SLC10A4: variants seen among roughly 807,000 people sequenced by gnomAD.
SLC10A4 encodes solute carrier family 10 member 4.
In SLC10A4, 17 loss-of-function variants were observed where a neutral mutation model predicts 22.5. The observed-to-expected ratio is 0.76, with a 90% CI of 0.52 to 1.14. The LOEUF is 1.14. SLC10A4 is among the 50% of genes most tolerant of loss of function. SLC10A4 has a pLI of 0.00. For missense variants in SLC10A4, 548 were observed against 584.0 expected, an observed-to-expected ratio of 0.94 and a Z score of 0.64; for synonymous variants, 257 against 258.2, an observed-to-expected ratio of 1.00 and a Z score of 0.04.
Position 48,483,487 on chromosome 4 carries a change from G to A in SLC10A4, c.-75G>A, listed in dbSNP as rs892622597. The A allele has an allele frequency of 2.1e-5, 26 of 1,246,718 alleles. No homozygotes were observed. The African/African-American group carries it at 3.0e-4, about 14-fold the overall frequency. The allele number at this position is 1,246,718 out of a possible 1,614,324, so 77.2% of individuals were successfully genotyped here. ...GAGACCGACGGGCAGAACGACGGGC[G>A]GCGACTGCGGCGACCGCGGGACGGC... On this transcript the variant is annotated 5_prime_UTR_variant, in exon 1 of 3. Coordinates refer to ENST00000273861, the MANE Select transcript of SLC10A4 (RefSeq NM_152679.4). This position sits in a 1 kb window ranked among gnomAD's most constrained non-coding sequence, Gnocchi z 5.4.
At chr4:48,487,906 G>C (rs1718309666) in intron 2 of SLC10A4, among the ~76,000 whole-genome samples, 1 of 137,964 alleles carries the variant, frequency 7.2e-6, no homozygotes, top group Non-Finnish European at 1.5e-5. Flanking sequence ...CCAGGTTCAA[G>C]CAATTCTCTG....
At position 48,483,948 on chromosome 4, in the gene SLC10A4, C is replaced by T. The variant is rs781219189; in HGVS notation, c.387C>T (p.Phe129=). ...GCTGCACGGTGGACGTGAACCACTT[C>T]GGGGCGCACGTCCGTCGGCCCGTGG... is the stretch of plus-strand genomic sequence containing the variant. ...GLGCTVDVNH[F]GAHVRRPVGA... The change falls in exon 1 of 3, where the codon TTC becomes TTT. Residue 129 remains phenylalanine, a synonymous_variant. Coordinates refer to ENST00000273861, the MANE Select transcript of SLC10A4 (RefSeq NM_152679.4). This position sits in a 1 kb window ranked among gnomAD's most constrained non-coding sequence, Gnocchi z 5.4. 1 of 1,544,036 alleles carries T rather than the reference C, an allele frequency of 6.5e-7. No individual in the cohort carries two copies.
At position 48,483,583 on chromosome 4, in the gene SLC10A4, A is replaced by T. The variant is rs775338691; in HGVS notation, c.22A>T (p.Thr8Ser). The change falls in exon 1 of 3, where the codon ACC becomes TCC. Residue 8 changes from threonine to serine, a missense_variant. Thr to Ser is a moderately conservative substitution (Grantham distance 58, BLOSUM62 1). Coordinates refer to ENST00000273861, the MANE Select transcript of SLC10A4 (RefSeq NM_152679.4). The surrounding 1 kb of genome is among the most constrained non-coding windows in gnomAD (Gnocchi z 5.4). The stretch of plus-strand genomic sequence containing the variant: ...CGCCATGGACGGCAACGACAACGTG[A>T]CCCTGCTCTTCGCCCCTCTGCTGCG... MDGNDNV[T>S]LLFAPLLRDN... 11 of 1,507,194 alleles carry T rather than the reference A, an allele frequency of 7.3e-6. No homozygotes were observed. Among genetic ancestry groups the T allele is most frequent in the Non-Finnish European group, 8.8e-7 (1 of 1,132,036 alleles). 93.4% of individuals were successfully genotyped at this position (1,507,194 alleles called of 1,614,324 possible). A position where few individuals can be genotyped will look rare whatever the true frequency, so the allele number is the denominator to read the frequency against.
chr4:48,487,531 C>G (rs1456203041), intron 2 of SLC10A4, among the ~76,000 whole-genome samples: 7 of 152,210 alleles, frequency 4.6e-5, no homozygotes, highest in African/African-American at 1.7e-4. Flanking sequence ...TAAACATCCA[C>G]TTGTCTGCTC....
chr4:48,485,409 A>G (rs1287409421), intron 2 of SLC10A4, among the ~76,000 whole-genome samples: 1 of 152,248 alleles, frequency 6.6e-6, no homozygotes, highest in Non-Finnish European at 1.5e-5. Context: ...AACAGATCAT[A>G]GCAGGGTGGG....
chr4:48,484,847 A>C, intron 1 of SLC10A4, 85 bp from the exon 2 acceptor site: 1 of 1,300,350 alleles, frequency 7.7e-7, no homozygotes, highest in Non-Finnish European at 1.1e-6. Context: ...TCCCCGTTCC[A>C]CCTCTACTCA....
rs770956561 is a variant in SLC10A4, at chr4:48,483,691, C to G, written c.130C>G (p.Pro44Ala). 2 of 1,467,558 alleles carry G rather than the reference C, an allele frequency of 1.4e-6. No individual in the cohort carries two copies. The highest frequency in any genetic ancestry group is 2.6e-5 in the South Asian group (2 of 76,964). The allele number at this position is 1,467,558 out of a possible 1,614,324, so 90.9% of individuals were successfully genotyped here. The change falls in exon 1 of 3, where the codon CCC (proline) becomes GCC (alanine). Residue 44 changes from proline (P) to alanine (A), a missense_variant. Pro to Ala is a conservative substitution (Grantham distance 27). This residue lies in a region of SLC10A4 where 225 missense variants were observed against 206.9 expected (regional missense o/e 1.09). Transcript: ENST00000273861. The surrounding 1 kb of genome is among the most constrained non-coding windows in gnomAD (Gnocchi z 5.4). ...CCTCGCCCCTGCCTCCAGCGCCGGC[C>G]CCGGCCCTGGGCTCAGCCTCGGGCC... Reference protein sequence around the residue: ...LALAPASSAGPGPGLSLGPGP... With the variant: ...LALAPASSAGAGPGLSLGPGP...
Position 48,488,843 on chromosome 4 carries a change from T to C in SLC10A4, c.1218T>C (p.Tyr406=), listed in dbSNP as rs148503958. ...LDEDEDTDIS[Y]KKLKEEEMAD... ...AAGATGAAGATACAGATATTTCTTA[T>C]AAAAAACTAAAAGAAGAGGAAATGG... The change falls in exon 3 of 3, where the codon TAT becomes TAC. Residue 406 remains tyrosine (Y), a synonymous_variant. Coordinates refer to ENST00000273861, the MANE Select transcript of SLC10A4 (RefSeq NM_152679.4). 1.2e-5 allele frequency: 19 copies of C among 1,613,662 alleles called. No individual in the cohort carries two copies. The African/African-American group carries it at 2.0e-4, about 17-fold the overall frequency.
At chr4:48,486,905 T>G (rs577293938) in intron 2 of SLC10A4, among the ~76,000 whole-genome samples, 1 of 152,304 alleles carries the variant, frequency 6.6e-6, no homozygotes, top group East Asian at 1.9e-4. Flanking sequence ...AGATAAATTT[T>G]AAATAATTTT....
At chr4:48,484,778 T>C (rs1182227951) in intron 1 of SLC10A4, among the ~76,000 whole-genome samples, 154 bp from the exon 2 acceptor site, 1 of 152,106 alleles carries the variant, frequency 6.6e-6, no homozygotes, top group Non-Finnish European at 1.5e-5. Context: ...CGTGCTGCTC[T>C]CTTGGCACTC....
rs1019911468 is a variant in SLC10A4, at chr4:48,484,244, G to T, written c.590+93G>T. 4.6e-5 allele frequency: 59 copies of T among 1,285,132 alleles called. No individual in the cohort carries two copies. In the African/African-American group the frequency reaches 7.9e-4, roughly 17 times the overall value. The allele number at this position is 1,285,132 out of a possible 1,614,324, so 79.6% of individuals were successfully genotyped here. ...GACGAAGGACAGAGGCAGTGGAGGGGTTGGAATTAGGCGTGGAGGAAGGAG... is the reference window on the plus strand; with the variant it reads ...GACGAAGGACAGAGGCAGTGGAGGGTTTGGAATTAGGCGTGGAGGAAGGAG... On this transcript the variant is annotated intron_variant, in intron 1 of 2. Transcript: ENST00000273861.
In SLC10A4 at chr4:48,488,628, G is replaced by A; in HGVS notation, c.1003G>A (p.Glu335Lys). ...PPNCKRTVCLETGSQNVQLCT... is the reference protein window; with the variant it reads ...PPNCKRTVCLKTGSQNVQLCT... ...CAACTGCAAGAGGACTGTATGTCTG[G>A]AAACAGGTAGTCAGAATGTGCAGCT... Residue 335 changes from glutamate (E) to lysine (K), a missense_variant, in exon 3 of 3, where the codon GAA becomes AAA. Physicochemically the swap from Glu to Lys is moderately conservative, Grantham distance 56. This residue lies in a region of SLC10A4 where 314 missense variants were observed against 353.2 expected (regional missense o/e 0.89). Transcript: ENST00000273861. The A allele has an allele frequency of 6.2e-7, 1 of 1,614,050 alleles. No homozygotes were observed. The highest frequency in any genetic ancestry group is 8.5e-7 in the Non-Finnish European group (1 of 1,179,992).
At chr4:48,485,891 T>C (rs1219330083) in intron 2 of SLC10A4, among the ~76,000 whole-genome samples, 1 of 152,190 alleles carries the variant, frequency 6.6e-6, no homozygotes, top group East Asian at 1.9e-4. Flanking sequence ...TCTGTAGCAG[T>C]AGAGATTTTA....
chr4:48,485,132 A>C lies in SLC10A4; in HGVS notation c.791A>C (p.Tyr264Ser). The C allele has an allele frequency of 6.2e-7, 1 of 1,614,060 alleles. No homozygotes were observed. ...IRYKYSRVAD[Y>S]IVKVSLWSLL... is the part of the protein sequence containing the mutation. ...TACAAATACAGCCGGGTGGCTGACTACATTGTGAAGGTAAGGCCCCCTCTT... is the reference window on the plus strand; with the variant it reads ...TACAAATACAGCCGGGTGGCTGACTCCATTGTGAAGGTAAGGCCCCCTCTT... The change falls in exon 2 of 3, where the codon TAC becomes TCC. Residue 264 changes from tyrosine to serine, a missense_variant. Tyr to Ser is a moderately radical substitution (Grantham distance 144). This residue lies in a region of SLC10A4 where 314 missense variants were observed against 353.2 expected (regional missense o/e 0.89). Transcript: ENST00000273861.
Position 48,483,790 on chromosome 4 carries a change from G to A in SLC10A4, c.229G>A (p.Ala77Thr). The A allele has an allele frequency of 6.7e-7, 1 of 1,502,802 alleles. No individual in the cohort carries two copies. Among genetic ancestry groups the A allele is most frequent in the Non-Finnish European group, 8.8e-7 (1 of 1,132,854 alleles). 93.1% of individuals were successfully genotyped at this position (1,502,802 alleles called of 1,614,324 possible). The change falls in exon 1 of 3, where the codon GCG (alanine) becomes ACG (threonine). Residue 77 changes from alanine to threonine, a missense_variant. Ala to Thr is a moderately conservative substitution (Grantham distance 58). Coordinates refer to ENST00000273861, the MANE Select transcript of SLC10A4 (RefSeq NM_152679.4). This position sits in a 1 kb window ranked among gnomAD's most constrained non-coding sequence, Gnocchi z 5.4. ...CACGACCAGCGGCCTCGCGGGCGGC[G>A]CGGCGAGCCACGGCCCTTCCCCGTT... ...EPTTSGLAGGAASHGPSPFPR... is the reference protein window; with the variant it reads ...EPTTSGLAGGTASHGPSPFPR...
chr4:48,483,595 G>A lies in SLC10A4; in HGVS notation c.34G>A (p.Ala12Thr). The change falls in exon 1 of 3, where the codon GCC becomes ACC. Residue 12 changes from alanine to threonine, a missense_variant. By Grantham distance (58) the Ala-to-Thr change is moderately conservative. Transcript: ENST00000273861. This position sits in a 1 kb window ranked among gnomAD's most constrained non-coding sequence, Gnocchi z 5.4. ...DGNDNVTLLF[A>T]PLLRDNYTLA... is the part of the protein sequence containing the mutation. The stretch of plus-strand genomic sequence containing the variant: ...CAACGACAACGTGACCCTGCTCTTC[G>A]CCCCTCTGCTGCGGGACAACTACAC... 1.3e-6 allele frequency: 2 copies of A among 1,505,002 alleles called. No homozygotes were observed. Among genetic ancestry groups the A allele is most frequent in the Non-Finnish European group, 1.8e-6 (2 of 1,130,828 alleles). 93.2% of individuals were successfully genotyped at this position (1,505,002 alleles called of 1,614,324 possible).
In SLC10A4 at chr4:48,483,580, G is replaced by T. The variant is rs997840379; in HGVS notation, c.19G>T (p.Val7Leu). 6.0e-6 allele frequency: 9 copies of T among 1,506,428 alleles called. No individual in the cohort carries two copies. Among genetic ancestry groups the T allele is most frequent in the African/African-American group, 1.5e-5 (1 of 68,862 alleles). 93.3% of individuals were successfully genotyped at this position (1,506,428 alleles called of 1,614,324 possible). The change falls in exon 1 of 3, where the codon GTG becomes TTG. Residue 7 changes from valine to leucine, a missense_variant. Physicochemically the swap from Val to Leu is conservative, Grantham distance 32 (BLOSUM62 1). Around this residue, in one of 3 missense-constraint regions of SLC10A4, gnomAD observed 225 missense variants for 206.9 expected, o/e 1.09. Transcript: ENST00000273861. The surrounding 1 kb of genome is among the most constrained non-coding windows in gnomAD (Gnocchi z 5.4). ...CCGCGCCATGGACGGCAACGACAAC[G>T]TGACCCTGCTCTTCGCCCCTCTGCT... MDGNDN[V>L]TLLFAPLLRD...
chr4:48,483,595 G>T lies in SLC10A4; in HGVS notation c.34G>T (p.Ala12Ser), dbSNP rs567760048. ...CAACGACAACGTGACCCTGCTCTTC[G>T]CCCCTCTGCTGCGGGACAACTACAC... ...DGNDNVTLLF[A>S]PLLRDNYTLA... The change falls in exon 1 of 3, where the codon GCC becomes TCC. Residue 12 changes from alanine (A) to serine (S), a missense_variant. By Grantham distance (99) the Ala-to-Ser change is moderately conservative (BLOSUM62 1). Transcript: ENST00000273861. This position sits in a 1 kb window ranked among gnomAD's most constrained non-coding sequence, Gnocchi z 5.4. The T allele has an allele frequency of 2.5e-5, 37 of 1,505,002 alleles. No individual in the cohort carries two copies. In the East Asian group the frequency reaches 8.4e-4, roughly 34 times the overall value. 93.2% of individuals were successfully genotyped at this position (1,505,002 alleles called of 1,614,324 possible).
At chr4:48,484,907 T>C (rs369402350) in intron 1 of SLC10A4, 25 bp from the exon 2 acceptor site, 2 of 1,604,278 alleles carry the variant, frequency 1.2e-6, no homozygotes, top group Non-Finnish European at 1.7e-6. Context: ...CTCGTTCTGA[T>C]TTCTGCACAT....
Sources: allele counts gnomAD v4.1 joint callset (sites outside exome capture counted in the v4.1 genomes callset), GRCh38; gene constraint gnomAD v4.1.1; regional missense constraint gnomAD v4.1.1; non-coding constraint Gnocchi (gnomAD v3.1); transcripts MANE v1.5; gene names NCBI Gene and HGNC (gene_info 2026-07-23, HGNC 2026-07-21).